Variants in ADGRG7 observed in about 807,000 individuals in gnomAD.
ADGRG7 encodes the protein adhesion G protein-coupled receptor G7.
A neutral mutation model predicts 88.6 loss-of-function variants in ADGRG7; 82 were observed. The observed-to-expected ratio is 0.93, with a 90% CI of 0.77 to 1.11. The LOEUF (loss-of-function observed/expected upper bound fraction) is 1.11, where lower values mean the gene tolerates loss of function less well. Ranked by LOEUF, ADGRG7 falls within the 50% of genes most tolerant of loss-of-function variation. The pLI is 0.00. For synonymous variants in ADGRG7, 381 were observed against 345.2 expected (o/e 1.10, Z -1.15); for missense variants, 945 against 953.4 (o/e 0.99, Z 0.12).
intron 6 of ADGRG7, among the ~76,000 whole-genome samples, chr3:100,642,039 A>G (rs1044877973): frequency 7.2e-5 from 11 of 152,296 alleles, no homozygotes; most frequent in Middle Eastern, 3.4e-3. Context: ...GAAGTACAAG[A>G]AAGAAAAAAT....
intron 1 of ADGRG7, among the ~76,000 whole-genome samples, chr3:100,628,855 C>G (rs1707418277): frequency 6.6e-6 from 1 of 152,126 alleles, no homozygotes; most frequent in African/African-American, 2.4e-5. Flanking sequence ...TTTCCTTCCC[C>G]CTTAGCCTCA....
At chr3:100,661,502 C>A (rs534852120) in intron 14 of ADGRG7, among the ~76,000 whole-genome samples, 1 of 152,264 alleles carries the variant, frequency 6.6e-6, no homozygotes, top group Admixed American at 6.5e-5. Context: ...CTAGCAGAGA[C>A]TGAAACCACA....
chr3:100,659,745 A>G lies in ADGRG7; in HGVS notation c.1881A>G (p.Ser627=). The G allele has an allele frequency of 6.2e-7, 1 of 1,614,094 alleles. No individual in the cohort carries two copies. The highest frequency in any genetic ancestry group is 8.5e-7 in the Non-Finnish European group (1 of 1,179,988). Reference sequence around the variant, plus strand: ...TTATAAAAAGTCCGCTGTTGTGGTCATTCATCGTACCTGTAACCATTATCC... The same window carrying G: ...TTATAAAAAGTCCGCTGTTGTGGTCGTTCATCGTACCTGTAACCATTATCC... ...NGVIKSPLLW[S]FIVPVTIILI... is the part of the protein sequence containing the mutation. Residue 627 remains serine, a synonymous_variant, in exon 14 of 16, where the codon TCA becomes TCG. Transcript: ENST00000273352.
intron 13 of ADGRG7, among the ~76,000 whole-genome samples, chr3:100,657,168 A>G (rs977878763): frequency 2.0e-5 from 3 of 152,152 alleles, no homozygotes; most frequent in African/African-American, 4.8e-5. Flanking sequence ...GCAACTGATA[A>G]TAAGAGAAGC....
chr3:100,627,271 T>TA (rs1366508542), intron 1 of ADGRG7, among the ~76,000 whole-genome samples: 1 of 152,148 alleles, frequency 6.6e-6, no homozygotes, highest in East Asian at 1.9e-4. Context: ...GCTGAGAGTT[T>TA]AAAAAAAGTG....
chr3:100,615,939 GA>G (rs1289738434), intron 1 of ADGRG7, among the ~76,000 whole-genome samples: 3 of 151,696 alleles, frequency 2.0e-5, no homozygotes, highest in Non-Finnish European at 2.9e-5. Flanking sequence ...AAGAAGATTA[GA>G]AAAATTTTAC....
chr3:100,650,225 T>G (rs2094927006), intron 11 of ADGRG7, among the ~76,000 whole-genome samples: 1 of 152,178 alleles, frequency 6.6e-6, no homozygotes, highest in South Asian at 2.1e-4. Context: ...AAAAATATAG[T>G]TTTCAAATGG....
intron 11 of ADGRG7, among the ~76,000 whole-genome samples, chr3:100,651,404 G>A (rs772546305): frequency 2.2e-4 from 34 of 152,182 alleles, no homozygotes; most frequent in Non-Finnish European, 4.1e-4. Flanking sequence ...GTCCCATAGG[G>A]ATGAGTCATA....
chr3:100,679,359 C>T lies in ADGRG7; in HGVS notation c.2136+10254C>T, dbSNP rs543841311. 3.3e-4 allele frequency among the ~76,000 whole-genome samples: 50 copies of T among 152,216 alleles called. 2 individuals are homozygous for T. The highest frequency in any genetic ancestry group is 6.3e-3 in the Middle Eastern group (2 of 316). Reference sequence around the variant, plus strand: ...GCCAGTCAAGGCAGTGTACTCTCCTCAGGCCCAAGGCAGGTCCAGTAATCC... The same window carrying T: ...GCCAGTCAAGGCAGTGTACTCTCCTTAGGCCCAAGGCAGGTCCAGTAATCC... On this transcript the variant is annotated intron_variant, in intron 15 of 15. Transcript: ENST00000273352.
chr3:100,655,362 C>A (rs112478623), intron 12 of ADGRG7, among the ~76,000 whole-genome samples, 181 bp downstream of exon 12: 2 of 151,904 alleles, frequency 1.3e-5, no homozygotes, highest in Non-Finnish European at 2.9e-5. Context: ...GAGGCAGATG[C>A]GATCAAGGCA....
chr3:100,629,479 T>C, intron 1 of ADGRG7, 119 bp from the exon 2 acceptor site: 1 of 632,864 alleles, frequency 1.6e-6, no homozygotes, highest in South Asian at 1.9e-5. Flanking sequence ...ACAAAGAATA[T>C]TTCTCAGCAA....
rs1243407385 is a variant in ADGRG7, at chr3:100,695,293, A to G, written c.*292A>G. On this transcript the variant is annotated 3_prime_UTR_variant, in exon 16 of 16. Coordinates refer to ENST00000273352, the MANE Select transcript of ADGRG7 (RefSeq NM_032787.3). The stretch of plus-strand genomic sequence containing the variant: ...TGACACACTTTGACAAAAATGTAGA[A>G]CCTATAACAAATTCTTTTACAAGTT... 3.4e-6 allele frequency: 1 copy of G among 292,996 alleles called. No individual in the cohort carries two copies. The highest frequency in any genetic ancestry group is 7.1e-5 in the East Asian group (1 of 14,124). 18.1% of individuals were successfully genotyped at this position (292,996 alleles called of 1,614,324 possible).
At chr3:100,693,683 T>C (rs1280738860) in intron 15 of ADGRG7, among the ~76,000 whole-genome samples, 1 of 152,204 alleles carries the variant, frequency 6.6e-6, no homozygotes, top group East Asian at 1.9e-4. Flanking sequence ...CATTTTGAAA[T>C]GATTTAATAA....
intron 6 of ADGRG7, among the ~76,000 whole-genome samples, chr3:100,638,186 G>A (rs1395528129): frequency 6.6e-6 from 1 of 152,212 alleles, no homozygotes; most frequent in Non-Finnish European, 1.5e-5. Context: ...CAGCCTTTTT[G>A]GGTACCTGCA....
chr3:100,680,072 G>C (rs2094971048), intron 15 of ADGRG7, among the ~76,000 whole-genome samples: 1 of 151,978 alleles, frequency 6.6e-6, no homozygotes, highest in Non-Finnish European at 1.5e-5. Flanking sequence ...TCAAAAAAGG[G>C]GTATTAAATT....
At chr3:100,665,594 G>T in intron 14 of ADGRG7, 1 of 357,468 alleles carries the variant, frequency 2.8e-6, no homozygotes, top group East Asian at 7.3e-5. Context: ...TATATGAACG[G>T]TAGTTCATAT....
At chr3:100,689,531 T>A (rs1345993209) in intron 15 of ADGRG7, among the ~76,000 whole-genome samples, 2 of 152,232 alleles carry the variant, frequency 1.3e-5, no homozygotes, top group Admixed American at 6.5e-5. Flanking sequence ...CCTTTCCATA[T>A]TTAGTGCTTC....
intron 1 of ADGRG7, among the ~76,000 whole-genome samples, chr3:100,616,283 C>T (rs150237505): frequency 2.6e-5 from 4 of 152,112 alleles, no homozygotes; most frequent in African/African-American, 9.6e-5. Flanking sequence ...GGAGAGACAT[C>T]AGATGTCATC....
At chr3:100,686,924 T>C (rs2094983749) in intron 15 of ADGRG7, among the ~76,000 whole-genome samples, 1 of 152,196 alleles carries the variant, frequency 6.6e-6, no homozygotes, top group African/African-American at 2.4e-5. Context: ...AAGAAAGTCA[T>C]TGGTAGCTTG....
Sources: allele counts gnomAD v4.1 joint callset (sites outside exome capture counted in the v4.1 genomes callset), GRCh38; gene constraint gnomAD v4.1.1; transcripts MANE v1.5; gene names NCBI Gene and HGNC (gene_info 2026-07-23, HGNC 2026-07-21).